The following PIGG variants were observed in gnomAD, a reference collection of about 807,000 sequenced individuals.
PIGG encodes GPI ethanolamine phosphate transferase 2, catalytic subunit.
PIGG carries 70 observed loss-of-function variants against 83.2 expected under a neutral mutation model. The observed-to-expected ratio is 0.84, with a 90% CI of 0.69 to 1.03. The LOEUF is 1.03. Among genes scored for constraint, PIGG ranks in the 50% least tolerant of loss-of-function variants. PIGG has a pLI of 0.00. For missense variants in PIGG, 1,257 were observed against 1,233.6 expected (o/e 1.02, Z -0.28); for synonymous variants, 532 against 519.5 (o/e 1.02, Z -0.33).
At chr4:501,207 A>G (rs540209089) in intron 2 of PIGG, 5 of 454,316 alleles carry the variant, frequency 1.1e-5, no homozygotes, top group Admixed American at 7.1e-5. Context: ...CTTTTGAGCA[A>G]CGACTATGTG....
At chr4:513,571 T>C (rs1346118926) in intron 5 of PIGG, among the ~76,000 whole-genome samples, 1 of 152,170 alleles carries the variant, frequency 6.6e-6, no homozygotes, top group Non-Finnish European at 1.5e-5. Flanking sequence ...TACTAGAATG[T>C]TTGACCCTGT....
intron 2 of PIGG, chr4:502,370 C>T (rs1437859615): frequency 2.0e-5 from 3 of 152,278 alleles, no homozygotes; most frequent in East Asian, 1.9e-4. Flanking sequence ...TAGGATTGTA[C>T]AGCTCTGGAG....
chr4:527,106 C>T lies in PIGG; in HGVS notation c.2137C>T (p.Gln713Ter). Residue 713 changes from glutamine to a stop codon, truncating the protein, a stop_gained, in exon 10 of 13, where the codon CAG (glutamine) becomes TAG (stop). Transcript: ENST00000453061. LOFTEE classifies it high-confidence loss of function. Reference sequence around the variant, plus strand: ...CCTCCTCGTAGTTTTTGTGCTGGTGCAGAGGGGGTGCTCCCCTGTGTCCAA... The same window carrying T: ...CCTCCTCGTAGTTTTTGTGCTGGTGTAGAGGGGGTGCTCCCCTGTGTCCAA... ...LSLLVVFVLV[Q>*]RGCSPVSKAA... 1 of 1,614,142 alleles carries T rather than the reference C, an allele frequency of 6.2e-7. No homozygotes were observed. The highest frequency in any genetic ancestry group is 1.1e-5 in the South Asian group (1 of 91,086).
intron 10 of PIGG, chr4:528,000 C>T (rs1019422224): frequency 1.0e-6 from 1 of 985,168 alleles, no homozygotes; most frequent in African/African-American, 1.7e-5. Context: ...AGTGTCCTTG[C>T]AAAAAGGAAC....
intron 2 of PIGG, among the ~76,000 whole-genome samples, chr4:504,794 A>G (rs1719025015): frequency 6.6e-6 from 1 of 152,086 alleles, no homozygotes; most frequent in Non-Finnish European, 1.5e-5. Flanking sequence ...TCTATGCTAA[A>G]CTCAGGGAAA....
chr4:516,043 ACCGATTC>A lies in PIGG; in HGVS notation c.974_980del (p.Pro325GlnfsTer5). 1 of 1,614,222 alleles carries A rather than the reference ACCGATTC, an allele frequency of 6.2e-7. No homozygotes were observed. Among genetic ancestry groups the A allele is most frequent in the Non-Finnish European group, 8.5e-7 (1 of 1,180,004 alleles). ...CGACACTGGCGATAGCACTTGGCTTACCGATTCCAAAAGACAGTGTAGGGAGCCTCCT... is the reference window on the plus strand; with the variant it reads ...CGACACTGGCGATAGCACTTGGCTTACAAAAGACAGTGTAGGGAGCCTCCT... On this transcript the variant is annotated frameshift_variant, in exon 6 of 13. Coordinates refer to ENST00000453061, the MANE Select transcript of PIGG (RefSeq NM_001127178.3). LOFTEE classifies it high-confidence loss of function.
rs1577182054 is a variant in PIGG at position 539,516 on chromosome 4, A to C, written c.*147A>C. ...TAAGCAGTAAATAGTTTAATAAAAGATCACTTTAATATACAGTTTGTATCA... is the reference window on the plus strand; with the variant it reads ...TAAGCAGTAAATAGTTTAATAAAAGCTCACTTTAATATACAGTTTGTATCA... On this transcript the variant is annotated 3_prime_UTR_variant, in exon 13 of 13. Coordinates refer to ENST00000453061, the MANE Select transcript of PIGG (RefSeq NM_001127178.3). 1.6e-6 allele frequency: 1 copy of C among 607,410 alleles called. No homozygotes were observed. The highest frequency in any genetic ancestry group is 2.9e-6 in the Non-Finnish European group (1 of 342,814). 37.6% of individuals were successfully genotyped at this position (607,410 alleles called of 1,614,324 possible).
chr4:509,148 G>A (rs1720972701), intron 5 of PIGG, among the ~76,000 whole-genome samples, 178 bp downstream of exon 5: 1 of 152,116 alleles, frequency 6.6e-6, no homozygotes, highest in African/African-American at 2.4e-5. Flanking sequence ...GTTCCTTCCC[G>A]AATCCTTAAA....
At chr4:535,689 C>T (rs1375830512) in intron 12 of PIGG, among the ~76,000 whole-genome samples, 1 of 152,290 alleles carries the variant, frequency 6.6e-6, no homozygotes, top group African/African-American at 2.4e-5. Flanking sequence ...GCCAGCCCTC[C>T]CAGGACACTT....
Position 521,121 on chromosome 4 carries a change from G to A in PIGG, c.1180G>A (p.Glu394Lys), listed in dbSNP as rs1427775052. The change falls in exon 7 of 13, where the codon GAG becomes AAG. Residue 394 changes from glutamate to lysine, a missense_variant. By Grantham distance (56) the Glu-to-Lys change is moderately conservative. Transcript: ENST00000453061. ...LHGNWIRLYL[E>K]EKHSEVLFNL... ...TGGGAACTGGATCAGACTGTACTTG[G>A]AGGAAAAGCATTCAGAAGTCCTATT... is the stretch of plus-strand genomic sequence containing the variant. 1 of 1,614,142 alleles carries A rather than the reference G, an allele frequency of 6.2e-7. No individual in the cohort carries two copies. Among genetic ancestry groups the A allele is most frequent in the Non-Finnish European group, 8.5e-7 (1 of 1,179,990 alleles).
rs540786575 is a variant in PIGG, at chr4:528,265, T to C, written c.2261+1035T>C. The C allele has an allele frequency of 6.2e-5, 61 of 983,474 alleles. No individual in the cohort carries two copies. In the South Asian group the frequency reaches 2.4e-3, roughly 38 times the overall value. The allele number at this position is 983,474 out of a possible 1,614,324, so 60.9% of individuals were successfully genotyped here. A position where few individuals can be genotyped will look rare whatever the true frequency, so the allele number is the denominator to read the frequency against. ...ATACTTATATGAAAGACTACATACT[T>C]AAAATACTGGTGATTATATTTAGGA... On this transcript the variant is annotated intron_variant, in intron 10 of 12. Coordinates refer to ENST00000453061, the MANE Select transcript of PIGG (RefSeq NM_001127178.3). The surrounding 1 kb of genome is among the most constrained non-coding windows in gnomAD (Gnocchi z 4.8).
At position 499,481 on chromosome 4, in the gene PIGG, C is replaced by T. The variant is rs782555599; in HGVS notation, c.146C>T (p.Pro49Leu). The change falls in exon 1 of 13, where the codon CCC becomes CTC. Residue 49 changes from proline to leucine, a missense_variant. Transcript: ENST00000453061. Reference sequence around the variant, plus strand: ...GGAGCGGAGCCCCCAGCGCCCGAACCCTCGGCTGGTACGGACCCCTCCCCG... The same window carrying T: ...GGAGCGGAGCCCCCAGCGCCCGAACTCTCGGCTGGTACGGACCCCTCCCCG... ...EHGAEPPAPE[P>L]SAGASSNWTT... 6.3e-7 allele frequency: 1 copy of T among 1,597,652 alleles called. No individual in the cohort carries two copies. Among genetic ancestry groups the T allele is most frequent in the South Asian group, 1.1e-5 (1 of 90,418 alleles).
intron 9 of PIGG, chr4:525,378 C>T (rs2108982483): frequency 1.0e-6 from 1 of 985,030 alleles, no homozygotes; most frequent in Non-Finnish European, 1.2e-6. Flanking sequence ...AGAAGCAGCA[C>T]AATGAGAGCA....
intron 5 of PIGG, among the ~76,000 whole-genome samples, chr4:512,374 C>A (rs1553884090): frequency 6.6e-6 from 1 of 151,684 alleles, no homozygotes; most frequent in Non-Finnish European, 1.5e-5. Flanking sequence ...CACCCACCAC[C>A]ACCGGTTAAT....
At chr4:526,631 A>G (rs993729890) in intron 9 of PIGG, among the ~76,000 whole-genome samples, 2 of 151,570 alleles carry the variant, frequency 1.3e-5, no homozygotes, top group African/African-American at 4.9e-5. Flanking sequence ...GACGGTTTCT[A>G]TTTGTCACCG....
rs1217701851 is a variant in PIGG, at chr4:509,792, C to T, written c.901+822C>T. Among the ~76,000 whole-genome samples the T allele has an allele frequency of 3.9e-5, 6 of 152,218 alleles. No homozygotes were observed. The South Asian group carries it at 8.3e-4, about 21-fold the overall frequency. On this transcript the variant is annotated intron_variant, in intron 5 of 12. Coordinates refer to ENST00000453061, the MANE Select transcript of PIGG (RefSeq NM_001127178.3). The stretch of plus-strand genomic sequence containing the variant: ...TGCATTAGCCCTGGAGATACGGTCT[C>T]ATCTGCCTCTGTGGTTGTAAATGCC...
chr4:508,195 C>T (rs1281446159), intron 4 of PIGG, among the ~76,000 whole-genome samples: 3 of 152,192 alleles, frequency 2.0e-5, no homozygotes, highest in Non-Finnish European at 4.4e-5. Context: ...ACTCAGAGGG[C>T]AGGAGGAGGG....
chr4:525,111 G>T (rs1192758591), intron 9 of PIGG: 6 of 854,306 alleles, frequency 7.0e-6, no homozygotes, highest in Non-Finnish European at 8.4e-6. Flanking sequence ...GGCCAGCTTT[G>T]CCCTTAGCAA....
intron 4 of PIGG, among the ~76,000 whole-genome samples, chr4:507,909 G>C (rs1169932081): frequency 6.6e-6 from 1 of 152,004 alleles, no homozygotes; most frequent in Non-Finnish European, 1.5e-5. Context: ...TCTGTTCTGT[G>C]TCACTTTCTG....
Sources: allele counts gnomAD v4.1 joint callset (sites outside exome capture counted in the v4.1 genomes callset), GRCh38; gene constraint gnomAD v4.1.1; non-coding constraint Gnocchi (gnomAD v3.1); transcripts MANE v1.5; gene names NCBI Gene and HGNC (gene_info 2026-07-23, HGNC 2026-07-21).